Variants in NRG4 observed in about 807,000 individuals in gnomAD.
The protein encoded by NRG4 is neuregulin 4, also known as pro-neuregulin-4, membrane-bound isoform.
Under a neutral mutation model 15.0 loss-of-function variants are expected in NRG4, and 10 were observed. The observed-to-expected ratio is 0.67, with a 90% CI of 0.41 to 1.13. NRG4 has a LOEUF of 1.13. Among genes scored for constraint, NRG4 ranks in the 50% most tolerant of loss-of-function variants. The pLI is 0.00. For synonymous variants in NRG4, 41 were observed against 50.1 expected, an observed-to-expected ratio of 0.82 and a Z score of 0.77; for missense variants, 139 against 140.2, an observed-to-expected ratio of 0.99 and a Z score of 0.04.
chr15:75,969,703 C>G (rs1394404700), intron 3 of NRG4, among the ~76,000 whole-genome samples: 2 of 152,170 alleles, frequency 1.3e-5, no homozygotes, highest in Non-Finnish European at 2.9e-5. Context: ...AATTTATACT[C>G]TTTTAAAGTT....
chr15:76,005,089 G>A (rs1219527527), intron 3 of NRG4, among the ~76,000 whole-genome samples: 1 of 152,034 alleles, frequency 6.6e-6, no homozygotes, highest in Non-Finnish European at 1.5e-5. Flanking sequence ...AAACTCATAA[G>A]GGGGCTGGAT....
At chr15:75,964,403 A>C (rs1023023413) in intron 3 of NRG4, among the ~76,000 whole-genome samples, 5 of 152,338 alleles carry the variant, frequency 3.3e-5, no homozygotes, top group Non-Finnish European at 7.3e-5. Flanking sequence ...AGGTTTTTTA[A>C]GGAAAAATTT....
chr15:76,059,780 G>C (rs868496176), exon 1 of NRG4: 1 of 149,278 alleles, frequency 6.7e-6, no homozygotes, highest in Non-Finnish European at 1.5e-5. Flanking sequence ...CAGCCGCGCC[G>C]CCGTTCCGCA....
intron 5 of NRG4, among the ~76,000 whole-genome samples, chr15:76,024,298 G>A (rs919847322): frequency 1.3e-5 from 2 of 152,136 alleles, no homozygotes; most frequent in Non-Finnish European, 2.9e-5. Context: ...GAGTGGCTGT[G>A]TACCCAAGTC....
intron 5 of NRG4, among the ~76,000 whole-genome samples, chr15:76,032,136 C>T (rs1027300199): frequency 2.0e-5 from 3 of 151,866 alleles, no homozygotes; most frequent in African/African-American, 7.3e-5. Context: ...TGTTTCAAAC[C>T]ACTTCAATAG....
chr15:76,027,208 T>C (rs1249310987), intron 5 of NRG4, among the ~76,000 whole-genome samples: 6 of 152,026 alleles, frequency 3.9e-5, no homozygotes, highest in African/African-American at 9.7e-5. Context: ...AAGACTCACA[T>C]AGACTGAAAG....
intron 2 of NRG4, among the ~76,000 whole-genome samples, chr15:76,009,658 C>T (rs2034736941): frequency 6.6e-6 from 1 of 152,070 alleles, no homozygotes; most frequent in South Asian, 2.1e-4. Flanking sequence ...ATTTCCCTGT[C>T]CCAAGAATTT....
At chr15:76,041,563 A>C (rs968389746) in intron 4 of NRG4, among the ~76,000 whole-genome samples, 1 of 152,186 alleles carries the variant, frequency 6.6e-6, no homozygotes, top group African/African-American at 2.4e-5. Context: ...ATTCCATGAC[A>C]AAAACTTTTA....
intron 3 of NRG4, among the ~76,000 whole-genome samples, chr15:76,001,561 A>G (rs1328329627): frequency 6.6e-6 from 1 of 152,174 alleles, no homozygotes; most frequent in Non-Finnish European, 1.5e-5. Flanking sequence ...ATGGGACCAC[A>G]CAAGTATACA....
At chr15:75,935,520 C>T (rs900497850), downstream of NRG4, 1 of 151,712 alleles carries the variant, frequency 6.6e-6, no homozygotes, top group African/African-American at 2.4e-5. Flanking sequence ...AATATATTTC[C>T]ATGCCCTTTG....
intron 5 of NRG4, among the ~76,000 whole-genome samples, chr15:75,953,772 A>C (rs928144641): frequency 6.6e-6 from 1 of 152,148 alleles, no homozygotes; most frequent in Non-Finnish European, 1.5e-5. Context: ...GGCTCACCGC[A>C]GCCTTGACCT....
intron 5 of NRG4, among the ~76,000 whole-genome samples, chr15:76,019,088 G>A (rs1458804762): frequency 6.6e-6 from 1 of 152,014 alleles, no homozygotes; most frequent in African/African-American, 2.4e-5. Flanking sequence ...AGCTGCGGTG[G>A]GCTCCACCTA....
intron 3 of NRG4, among the ~76,000 whole-genome samples, chr15:75,999,889 A>T (rs2034344922): frequency 6.6e-6 from 1 of 152,102 alleles, no homozygotes; most frequent in South Asian, 2.1e-4. Flanking sequence ...AGCTGGGCAC[A>T]CTGGCACACA....
intron 5 of NRG4, among the ~76,000 whole-genome samples, chr15:76,028,523 A>C (rs968772344): frequency 6.6e-6 from 1 of 152,070 alleles, no homozygotes; most frequent in Non-Finnish European, 1.5e-5. Context: ...AAAATCTAGA[A>C]CCAGATGACT....
chr15:75,952,962 T>C (rs567410398), intron 5 of NRG4, among the ~76,000 whole-genome samples: 3 of 152,202 alleles, frequency 2.0e-5, no homozygotes, highest in Admixed American at 6.5e-5. Flanking sequence ...CAGAAGTAGA[T>C]TGTCTTTTCA....
intron 5 of NRG4, among the ~76,000 whole-genome samples, chr15:75,953,577 A>T (rs150991758): frequency 2.4e-3 from 362 of 152,282 alleles, no homozygotes; most frequent in African/African-American, 7.5e-3. Flanking sequence ...ATGTTGCTCC[A>T]TTCTTTTAAG....
At chr15:76,034,078 G>A (rs902439357) in intron 5 of NRG4, among the ~76,000 whole-genome samples, 2 of 152,164 alleles carry the variant, frequency 1.3e-5, no homozygotes, top group South Asian at 2.1e-4. Context: ...CAACCCTACT[G>A]TCTCATCCAA....
At chr15:76,019,226 G>A (rs2141924593) in intron 5 of NRG4, among the ~76,000 whole-genome samples, 1 of 152,250 alleles carries the variant, frequency 6.6e-6, no homozygotes, top group African/African-American at 2.4e-5. Flanking sequence ...CTGCTGTGCT[G>A]GCAGCGAGAA....
At chr15:75,972,638 C>T (rs992932135) in intron 3 of NRG4, among the ~76,000 whole-genome samples, 4 of 152,002 alleles carry the variant, frequency 2.6e-5, no homozygotes, top group Admixed American at 6.6e-5. Context: ...TCCTTTCCCC[C>T]TTACTTATTT....
Sources: allele counts gnomAD v4.1 joint callset (sites outside exome capture counted in the v4.1 genomes callset), GRCh38; gene constraint gnomAD v4.1.1; transcripts MANE v1.5; gene names NCBI Gene and HGNC (gene_info 2026-07-23, HGNC 2026-07-21).